ACO2: variants seen among roughly 807,000 people sequenced by gnomAD.
ACO2 encodes aconitate hydratase, mitochondrial.
Under a neutral mutation model 84.5 loss-of-function variants are expected in ACO2, and 31 were observed. The observed-to-expected ratio is 0.37, with a 90% confidence interval of 0.28 to 0.50. ACO2 has a LOEUF of 0.50. Ranked by LOEUF, ACO2 falls within the 20% of genes least tolerant of loss-of-function variation. ACO2 has a pLI of 0.97. For missense variants in ACO2, 685 were observed against 1,029.3 expected (o/e 0.67, Z 4.58); for synonymous variants, 414 against 412.7 (o/e 1.00, Z -0.04).
Position 41,515,667 on chromosome 22 carries a change from C to T in ACO2, c.685-100C>T. On this transcript the variant is annotated intron_variant, in intron 5 of 17. Coordinates refer to ENST00000216254, the MANE Select transcript of ACO2 (RefSeq NM_001098.3). The surrounding 1 kb of genome is among the most constrained non-coding windows in gnomAD (Gnocchi z 5.8). ...GAATCTTCTGGGAGGGAGGTAGAGA[C>T]CAATAAGCAGCAATGTGAATGGCAG... 6.3e-7 allele frequency: 1 copy of T among 1,598,292 alleles called. No homozygotes were observed. Among genetic ancestry groups the T allele is most frequent in the South Asian group, 1.1e-5 (1 of 89,886 alleles).
intron 8 of ACO2, among the ~76,000 whole-genome samples, chr22:41,518,856 T>C (rs203318): frequency 2.6e-5 from 4 of 151,740 alleles, no homozygotes; most frequent in Admixed American, 2.0e-4. Flanking sequence ...TGAGGCAAGA[T>C]AATCGCTTGA....
chr22:41,527,732 T>C, intron 16 of ACO2, 169 bp from the exon 17 acceptor site: 2 of 1,146,324 alleles, frequency 1.7e-6, no homozygotes, highest in South Asian at 3.1e-5. Flanking sequence ...GCACACTTGC[T>C]AGGGGCACCC....
intron 2 of ACO2, among the ~76,000 whole-genome samples, chr22:41,500,201 C>G (rs899391994): frequency 2.0e-4 from 30 of 152,162 alleles, no homozygotes; most frequent in African/African-American, 6.0e-4. Flanking sequence ...GGCCCAGTGC[C>G]TGGAGAATCA....
At chr22:41,519,365 G>C (rs965191217) in intron 8 of ACO2, among the ~76,000 whole-genome samples, 12 of 152,202 alleles carry the variant, frequency 7.9e-5, no homozygotes, top group Non-Finnish European at 1.8e-4. Context: ...ATCACGTGTG[G>C]AACCTACAGC....
chr22:41,471,492 A>G (rs1327553582), intron 1 of ACO2, among the ~76,000 whole-genome samples: 1 of 152,232 alleles, frequency 6.6e-6, no homozygotes, highest in African/African-American at 2.4e-5. Context: ...CCTGTAGTCA[A>G]TTCATTCCTA....
chr22:41,469,343 C>T (rs962207416), intron 1 of ACO2, 161 bp downstream of exon 1: 2 of 824,916 alleles, frequency 2.4e-6, no homozygotes, highest in South Asian at 3.9e-5. Flanking sequence ...TCTCTGGTGC[C>T]CTAGGTCAAG....
chr22:41,499,972 G>GTAAAGGTAT, intron 2 of ACO2, 110 bp downstream of exon 2: 1 of 1,405,396 alleles, frequency 7.1e-7, no homozygotes, highest in East Asian at 2.3e-5. Flanking sequence ...TAGTGGCAGG[G>GTAAAGGTAT]TCAAGGTATT....
At chr22:41,487,904 T>C (rs1224039488) in intron 1 of ACO2, among the ~76,000 whole-genome samples, 2 of 152,166 alleles carry the variant, frequency 1.3e-5, no homozygotes, top group East Asian at 1.9e-4. Flanking sequence ...ACCTAAGTTA[T>C]ATTCTTGATT....
Position 41,499,874 on chromosome 22 carries a change from G to T in ACO2, c.173+12G>T. ...ATTGTTCGCAAACGGTAAGGCTGCA[G>T]ATGGGAGGCTGTGACTGTCAAGGGC... is the stretch of plus-strand genomic sequence containing the variant. On this transcript the variant is annotated intron_variant, in intron 2 of 17. Coordinates refer to ENST00000216254, the MANE Select transcript of ACO2 (RefSeq NM_001098.3). 1 of 1,613,518 alleles carries T rather than the reference G, an allele frequency of 6.2e-7. No individual in the cohort carries two copies.
chr22:41,471,993 T>C (rs572776327), intron 1 of ACO2, among the ~76,000 whole-genome samples: 7 of 152,210 alleles, frequency 4.6e-5, no homozygotes, highest in Admixed American at 1.3e-4. Context: ...TATGTCTGTT[T>C]CAATCATGTA....
intron 1 of ACO2, among the ~76,000 whole-genome samples, chr22:41,478,004 G>T (rs2038040638): frequency 6.6e-6 from 1 of 151,944 alleles, no homozygotes; most frequent in African/African-American, 2.4e-5. Context: ...AGCAGAGGAT[G>T]CAGTGAGCCG....
Position 41,527,898 on chromosome 22 carries a change from C to T in ACO2, c.2087-3C>T. On this transcript the variant is annotated splice_region_variant and splice_polypyrimidine_tract_variant and intron_variant, in intron 16 of 17. Transcript: ENST00000216254. ...CGATGACCGAATGCCGCCTGCTTTC[C>T]AGAGACCAACCTGAAGAAACAGGGC... The T allele has an allele frequency of 6.2e-7, 1 of 1,614,200 alleles. No individual in the cohort carries two copies. Among genetic ancestry groups the T allele is most frequent in the Non-Finnish European group, 8.5e-7 (1 of 1,180,036 alleles).
chr22:41,470,255 A>G (rs2037928209), intron 1 of ACO2, among the ~76,000 whole-genome samples: 1 of 152,226 alleles, frequency 6.6e-6, no homozygotes, highest in Non-Finnish European at 1.5e-5. Context: ...AACCTTTCAC[A>G]TTTAACTTTG....
chr22:41,528,244 C>A, intron 17 of ACO2: 2 of 832,516 alleles, frequency 2.4e-6, no homozygotes, highest in Non-Finnish European at 3.7e-6. Context: ...CTTTACTCAC[C>A]AGGACCTGGC....
chr22:41,481,330 A>T (rs59827182), intron 1 of ACO2, among the ~76,000 whole-genome samples: 1,777 of 152,208 alleles, frequency 0.012, 37 homozygotes, highest in African/African-American at 0.041. Flanking sequence ...GTCAGTTGTT[A>T]AAGCAACTGT....
At chr22:41,495,960 G>T (rs892917152) in intron 1 of ACO2, among the ~76,000 whole-genome samples, 2 of 151,754 alleles carry the variant, frequency 1.3e-5, no homozygotes, top group Non-Finnish European at 2.9e-5. Flanking sequence ...TAAAAATAAA[G>T]AAACAGGTTG....
At chr22:41,483,383 G>A (rs922955290) in intron 1 of ACO2, among the ~76,000 whole-genome samples, 4 of 152,210 alleles carry the variant, frequency 2.6e-5, no homozygotes, top group African/African-American at 9.6e-5. Flanking sequence ...ATGGCTGGGT[G>A]CAGTGGCTTA....
intron 1 of ACO2, among the ~76,000 whole-genome samples, chr22:41,469,659 C>T (rs537292979): frequency 6.6e-6 from 1 of 152,196 alleles, no homozygotes; most frequent in African/African-American, 2.4e-5. Context: ...GACCCTGTAC[C>T]ACCTTTTGAG....
chr22:41,487,251 G>A (rs2038169190), intron 1 of ACO2, among the ~76,000 whole-genome samples: 1 of 152,084 alleles, frequency 6.6e-6, no homozygotes, highest in Admixed American at 6.5e-5. Context: ...AAATTCCCTG[G>A]ACTCCTTCCC....
Sources: allele counts gnomAD v4.1 joint callset (sites outside exome capture counted in the v4.1 genomes callset), GRCh38; gene constraint gnomAD v4.1.1; non-coding constraint Gnocchi (gnomAD v3.1); transcripts MANE v1.5; gene names NCBI Gene and HGNC (gene_info 2026-07-23, HGNC 2026-07-21).